EVI5: variants seen among roughly 807,000 people sequenced by gnomAD.
The protein encoded by EVI5 is ecotropic viral integration site 5.
A neutral mutation model predicts 112.0 loss-of-function variants in EVI5; 73 were observed. The observed-to-expected ratio is 0.65, with a 90% confidence interval of 0.54 to 0.79. EVI5 has a LOEUF of 0.79. Ranked by LOEUF, EVI5 falls within the 30% of genes least tolerant of loss-of-function variation. EVI5 has a pLI of 0.00. For missense variants in EVI5, 900 were observed against 968.8 expected, an observed-to-expected ratio of 0.93 and a Z score of 0.94; for synonymous variants, 305 against 319.9, an observed-to-expected ratio of 0.95 and a Z score of 0.50.
intron 1 of EVI5, among the ~76,000 whole-genome samples, chr1:92,747,723 AAAAAC>A (rs1248616011): frequency 2.7e-5 from 4 of 149,734 alleles, no homozygotes; most frequent in Non-Finnish European, 4.5e-5. Context: ...CACCAAAAAA[AAAAAC>A]AAAAAAAAAA....
intron 1 of EVI5, among the ~76,000 whole-genome samples, chr1:92,746,029 C>G (rs1679203423): frequency 6.6e-6 from 1 of 152,182 alleles, no homozygotes; most frequent in Non-Finnish European, 1.5e-5. Flanking sequence ...GTACAGTATA[C>G]TTACGTAATA....
intron 1 of EVI5, among the ~76,000 whole-genome samples, chr1:92,744,613 C>A (rs1349505489): frequency 1.9e-5 from 1 of 51,448 alleles, no homozygotes; most frequent in African/African-American, 7.0e-5. Context: ...CACACACACA[C>A]ACACACACAC....
intron 1 of EVI5, among the ~76,000 whole-genome samples, chr1:92,781,246 C>T (rs1684825808): frequency 6.6e-6 from 1 of 152,058 alleles, no homozygotes; most frequent in South Asian, 2.1e-4. Context: ...GTGGCTCACA[C>T]CTGTAATCCC....
At chr1:92,739,668 G>C (rs981254894) in intron 1 of EVI5, among the ~76,000 whole-genome samples, 2 of 152,126 alleles carry the variant, frequency 1.3e-5, no homozygotes, top group African/African-American at 4.8e-5. Context: ...AATCTCCCAT[G>C]AGAAACAGAC....
intron 2 of EVI5, among the ~76,000 whole-genome samples, chr1:92,722,882 T>C (rs2102708954): frequency 6.6e-6 from 1 of 152,310 alleles, no homozygotes; most frequent in South Asian, 2.1e-4. Flanking sequence ...CAAAAAGTTA[T>C]GTGGCACACC....
intron 13 of EVI5, among the ~76,000 whole-genome samples, chr1:92,645,303 A>G (rs1660730287): frequency 6.6e-6 from 1 of 152,154 alleles, no homozygotes; most frequent in Non-Finnish European, 1.5e-5. Flanking sequence ...CTATGATACT[A>G]ATGCAGACAC....
chr1:92,708,439 G>T (rs1199511857), intron 2 of EVI5, among the ~76,000 whole-genome samples: 1 of 152,130 alleles, frequency 6.6e-6, no homozygotes, highest in East Asian at 1.9e-4. Context: ...CAACCATTAA[G>T]ATAGTTACAA....
chr1:92,635,360 A>ACTCAAGC (rs1315165366), intron 14 of EVI5, among the ~76,000 whole-genome samples: 1 of 151,948 alleles, frequency 6.6e-6, no homozygotes, highest in Non-Finnish European at 1.5e-5. Context: ...TTGTTTACCT[A>ACTCAAGC]CTCAAGCCTC....
At chr1:92,771,878 G>A (rs991614259) in intron 1 of EVI5, among the ~76,000 whole-genome samples, 3 of 151,182 alleles carry the variant, frequency 2.0e-5, no homozygotes, top group Non-Finnish European at 2.9e-5. Context: ...TTTTTGAGAC[G>A]GAGTCTCGCT....
intron 13 of EVI5, among the ~76,000 whole-genome samples, chr1:92,658,421 T>A (rs1256579261): frequency 6.6e-6 from 1 of 152,196 alleles, no homozygotes. Flanking sequence ...TCAGTAACAT[T>A]TCTGTACACC....
At chr1:92,517,712 T>C (rs1354957707) in intron 19 of EVI5, among the ~76,000 whole-genome samples, 1 of 152,082 alleles carries the variant, frequency 6.6e-6, no homozygotes, top group African/African-American at 2.4e-5. Context: ...GGTATAGAGG[T>C]AGGGGCTAAA....
chr1:92,638,434 A>G (rs1572048848), intron 13 of EVI5, among the ~76,000 whole-genome samples: 1 of 152,198 alleles, frequency 6.6e-6, no homozygotes, highest in East Asian at 1.9e-4. Flanking sequence ...ACAGAATATA[A>G]TTCCCAGGTC....
chr1:92,665,257 A>G (rs1377892822), intron 11 of EVI5, among the ~76,000 whole-genome samples: 1 of 152,110 alleles, frequency 6.6e-6, no homozygotes, highest in Non-Finnish European at 1.5e-5. Flanking sequence ...GTGAATTCAG[A>G]TGTCTTTCTT....
intron 1 of EVI5, among the ~76,000 whole-genome samples, chr1:92,768,732 G>A (rs1029566483): frequency 2.0e-5 from 3 of 152,060 alleles, no homozygotes; most frequent in Non-Finnish European, 4.4e-5. Context: ...AAAAGTAGCC[G>A]GGTGTGGCAG....
intron 16 of EVI5, among the ~76,000 whole-genome samples, chr1:92,615,432 C>T (rs1402971919): frequency 1.3e-5 from 2 of 152,196 alleles, no homozygotes; most frequent in African/African-American, 2.4e-5. Flanking sequence ...CATGCACAGC[C>T]TTGCCAGGTG....
chr1:92,750,251 A>C (rs2102917753), intron 1 of EVI5, among the ~76,000 whole-genome samples: 1 of 152,320 alleles, frequency 6.6e-6, no homozygotes, highest in East Asian at 1.9e-4. Context: ...AGAATTAAAC[A>C]GACATAAACA....
Position 92,693,169 on chromosome 1 carries a change from T to C in EVI5, c.1097+633A>G, listed in dbSNP as rs760617948. Among the ~76,000 whole-genome samples, 12 of 151,924 alleles carry C rather than the reference T, an allele frequency of 7.9e-5. No individual in the cohort carries two copies. The Middle Eastern group carries it at 0.01, about 129-fold the overall frequency. On this transcript the variant is annotated intron_variant, in intron 9 of 19. Coordinates refer to ENST00000684568, the MANE Select transcript of EVI5 (RefSeq NM_001350197.2). ...GGGTTCGAGACCAGCCTGGGCAACA[T>C]AGTGACACTCTGTCTCTACAAAACA...
At chr1:92,524,596 C>T (rs1479441017) in intron 19 of EVI5, among the ~76,000 whole-genome samples, 1 of 152,138 alleles carries the variant, frequency 6.6e-6, no homozygotes, top group Non-Finnish European at 1.5e-5. Flanking sequence ...CACTGAAGCG[C>T]ACCACCCAAT....
At chr1:92,682,516 C>T (rs1274722073) in intron 9 of EVI5, among the ~76,000 whole-genome samples, 2 of 152,162 alleles carry the variant, frequency 1.3e-5, no homozygotes, top group Non-Finnish European at 2.9e-5. Flanking sequence ...AATCCCAGCA[C>T]TTTGGGAGGC....
Sources: allele counts gnomAD v4.1 joint callset (sites outside exome capture counted in the v4.1 genomes callset), GRCh38; gene constraint gnomAD v4.1.1; transcripts MANE v1.5; gene names NCBI Gene and HGNC (gene_info 2026-07-23, HGNC 2026-07-21).